FIG4: variants seen among roughly 807,000 people sequenced by gnomAD.
The protein encoded by FIG4 is polyphosphoinositide phosphatase.
A neutral mutation model predicts 118.6 loss-of-function variants in FIG4; 112 were observed. That is an observed-to-expected ratio of 0.94 (90% CI 0.81 to 1.11). The LOEUF (loss-of-function observed/expected upper bound fraction) is 1.11, where lower values mean the gene tolerates loss of function less well. FIG4 is among the 50% of genes least tolerant of loss of function. The pLI is 0.00. For missense variants in FIG4, 969 were observed against 1,111.7 expected (o/e 0.87, Z 1.83); for synonymous variants, 369 against 381.2 (o/e 0.97, Z 0.37).
chr6:109,738,221 T>C, intron 6 of FIG4, 104 bp from the exon 7 acceptor site: 2 of 963,168 alleles, frequency 2.1e-6, no homozygotes. Flanking sequence ...TAAAAATGAG[T>C]TGAATGTCAG....
At chr6:109,787,652 G>T (rs2492979) in intron 18 of FIG4, among the ~76,000 whole-genome samples, 128,521 of 152,178 alleles carry the variant, frequency 0.84, 54,444 homozygotes, top group African/African-American at 0.92. Context: ...TTGTTTCACT[G>T]GAAGTCATAG....
chr6:109,763,930 A>T lies in FIG4; in HGVS notation c.1389-7A>T. ...AGTTTTTTAAAAGTGTTTATTTTTA[A>T]ACACAGGTGGAATGAACTAGGAGGA... On this transcript the variant is annotated splice_polypyrimidine_tract_variant and splice_region_variant and intron_variant, in intron 12 of 22. Transcript: ENST00000230124. 1.2e-6 allele frequency: 2 copies of T among 1,603,330 alleles called. No homozygotes were observed. The highest frequency in any genetic ancestry group is 1.7e-6 in the Non-Finnish European group (2 of 1,170,150).
At chr6:109,811,574 C>G (rs186535854) in intron 22 of FIG4, among the ~76,000 whole-genome samples, 12 of 152,318 alleles carry the variant, frequency 7.9e-5, no homozygotes, top group Non-Finnish European at 1.3e-4. Context: ...AGGCACTGTT[C>G]TAGTCACTGG....
chr6:109,777,170 T>G, intron 16 of FIG4, 110 bp downstream of exon 16: 1 of 939,446 alleles, frequency 1.1e-6, no homozygotes, highest in South Asian at 1.7e-5. Flanking sequence ...TTTATTTTAT[T>G]TTTTAAAATT....
intron 10 of FIG4, among the ~76,000 whole-genome samples, chr6:109,756,389 T>C (rs199843859): frequency 6.6e-6 from 1 of 152,012 alleles, no homozygotes; most frequent in Non-Finnish European, 1.5e-5. Flanking sequence ...TCATTTCAAC[T>C]TTGGTGAATC....
chr6:109,697,048 G>T (rs908332848), intron 1 of FIG4, among the ~76,000 whole-genome samples: 1 of 151,996 alleles, frequency 6.6e-6, no homozygotes, highest in African/African-American at 2.4e-5. Flanking sequence ...GAAAAATGAG[G>T]TCAGGAGATT....
chr6:109,705,205 A>T (rs1163590382), intron 1 of FIG4, among the ~76,000 whole-genome samples: 1 of 152,210 alleles, frequency 6.6e-6, no homozygotes. Context: ...GCATACTATT[A>T]AATGTAACAA....
chr6:109,733,321 T>C (rs116322222), intron 5 of FIG4, among the ~76,000 whole-genome samples: 42 of 152,236 alleles, frequency 2.8e-4, no homozygotes, highest in African/African-American at 1.0e-3. Context: ...GCAAGTAGAT[T>C]ATTACAGCAT....
chr6:109,718,765 A>G (rs1382296252), intron 3 of FIG4, among the ~76,000 whole-genome samples: 2 of 152,176 alleles, frequency 1.3e-5, no homozygotes, highest in African/African-American at 2.4e-5. Context: ...CTTAAATGCC[A>G]TAAATGCCAG....
chr6:109,810,874 C>A (rs141827807), intron 22 of FIG4, among the ~76,000 whole-genome samples: 107 of 152,220 alleles, frequency 7.0e-4, no homozygotes, highest in African/African-American at 2.5e-3. Context: ...TGTCCCAGTT[C>A]CCTCAGTATC....
At chr6:109,733,261 G>T (rs1005010685) in intron 5 of FIG4, among the ~76,000 whole-genome samples, 1 of 151,994 alleles carries the variant, frequency 6.6e-6, no homozygotes, top group Admixed American at 6.6e-5. Context: ...GCCCAAACAA[G>T]CAAACCAGAT....
In FIG4 at chr6:109,760,700, C is replaced by T. The variant is rs77698425; in HGVS notation, c.1271+317C>T. 2.0e-3 allele frequency among the ~76,000 whole-genome samples: 298 copies of T among 152,292 alleles called. 2 individuals are homozygous for T. The highest frequency in any genetic ancestry group is 6.7e-3 in the African/African-American group (279 of 41,564). ...TTTAAACACTTTCTCAGATGTCACT[C>T]GTGGATGAACCTGTGATAATTCCTG... On this transcript the variant is annotated intron_variant, in intron 11 of 22. Transcript: ENST00000230124.
chr6:109,778,263 C>T (rs1443399991), intron 16 of FIG4, among the ~76,000 whole-genome samples: 1 of 151,222 alleles, frequency 6.6e-6, no homozygotes, highest in East Asian at 2.0e-4. Flanking sequence ...CAGTTCGAGA[C>T]CAGCCTGGTC....
chr6:109,737,437 T>C (rs1776190981), intron 6 of FIG4, among the ~76,000 whole-genome samples: 1 of 152,136 alleles, frequency 6.6e-6, no homozygotes, highest in African/African-American at 2.4e-5. Flanking sequence ...ACAGGACTCC[T>C]ATTGATGTCT....
rs1303730599 is a variant in FIG4, at chr6:109,731,201, G to A, written c.447-1436G>A. ...TGTCATCAAATTATAGCAGAGATGT[G>A]GGAAATGAGTTGTATACTATGAGTT... On this transcript the variant is annotated intron_variant, in intron 4 of 22. Coordinates refer to ENST00000230124, the MANE Select transcript of FIG4 (RefSeq NM_014845.6). Among the ~76,000 whole-genome samples the A allele has an allele frequency of 2.0e-5, 3 of 152,144 alleles. No individual in the cohort carries two copies. The East Asian group carries it at 5.8e-4, about 29-fold the overall frequency.
Position 109,763,953 on chromosome 6 carries a change from G to T in FIG4, c.1405G>T (p.Gly469Ter). 6.2e-7 allele frequency: 1 copy of T among 1,609,958 alleles called. No individual in the cohort carries two copies. The highest frequency in any genetic ancestry group is 1.1e-5 in the South Asian group (1 of 91,002). ...RPDEKWNELG[G>*]CVIPTGRLQT... ...TAAACACAGGTGGAATGAACTAGGA[G>T]GATGTGTGATTCCCACTGGTCGCCT... is the stretch of plus-strand genomic sequence containing the variant. The change falls in exon 13 of 23, where the codon GGA becomes TGA. Residue 469 changes from glycine to a stop codon, truncating the protein, a stop_gained. Coordinates refer to ENST00000230124, the MANE Select transcript of FIG4 (RefSeq NM_014845.6). LOFTEE classifies it high-confidence loss of function.
At chr6:109,803,910 G>C (rs925449800) in intron 22 of FIG4, among the ~76,000 whole-genome samples, 1 of 151,972 alleles carries the variant, frequency 6.6e-6, no homozygotes, top group Non-Finnish European at 1.5e-5. Context: ...GATGAAGCTG[G>C]AAACCATCAT....
chr6:109,803,628 T>G (rs1300463574), intron 22 of FIG4, among the ~76,000 whole-genome samples: 2 of 152,180 alleles, frequency 1.3e-5, no homozygotes, highest in Non-Finnish European at 2.9e-5. Context: ...TTTCTTTTTT[T>G]TTTATTATAC....
intron 19 of FIG4, among the ~76,000 whole-genome samples, chr6:109,790,948 A>G (rs988076085): frequency 4.6e-5 from 7 of 152,326 alleles, no homozygotes; most frequent in East Asian, 1.9e-4. Flanking sequence ...TAAAAAATTT[A>G]TAGGCGGGAG....
Sources: allele counts gnomAD v4.1 joint callset (sites outside exome capture counted in the v4.1 genomes callset), GRCh38; gene constraint gnomAD v4.1.1; transcripts MANE v1.5; gene names NCBI Gene and HGNC (gene_info 2026-07-23, HGNC 2026-07-21).